Variants in RGMA observed in about 807,000 individuals in gnomAD.
RGMA encodes the protein repulsive guidance molecule BMP co-receptor a, also known as repulsive guidance molecule A.
Under a neutral mutation model 23.2 loss-of-function variants are expected in RGMA, and 10 were observed. The ratio of observed to expected loss-of-function variants is 0.43; its 90% CI spans 0.27 to 0.73. RGMA has a LOEUF of 0.73. RGMA is among the 30% of genes least tolerant of loss of function. RGMA has a pLI of 0.20. For missense variants in RGMA, 547 were observed against 630.5 expected, an observed-to-expected ratio of 0.87 and a Z score of 1.42; for synonymous variants, 308 against 279.3, an observed-to-expected ratio of 1.10 and a Z score of -1.03.
chr15:93,073,388 G>A (rs1340072308), intron 1 of RGMA, among the ~76,000 whole-genome samples: 1 of 152,018 alleles, frequency 6.6e-6, no homozygotes, highest in East Asian at 1.9e-4. Flanking sequence ...ATCAGAGGGC[G>A]CGCCACGCTC....
At chr15:93,060,539 T>C in intron 2 of RGMA, among the ~76,000 whole-genome samples, 1 of 152,250 alleles carries the variant, frequency 6.6e-6, no homozygotes, top group Non-Finnish European at 1.5e-5. Flanking sequence ...CCAGACCCGA[T>C]GGGGGCGGGG....
chr15:93,044,863 T>C lies in RGMA; in HGVS notation c.*135A>G. On this transcript the variant is annotated 3_prime_UTR_variant, in exon 4 of 4. Coordinates refer to ENST00000329082, the MANE Select transcript of RGMA (RefSeq NM_020211.3). ...GGGGAGGGGTCCGTGCCTGAGCCCT[T>C]GGCAGCAGGCGGTCCCTGGCGTTCT... is the stretch of plus-strand genomic sequence containing the variant. 2 of 715,656 alleles carry C rather than the reference T, an allele frequency of 2.8e-6. No individual in the cohort carries two copies. Among genetic ancestry groups the C allele is most frequent in the South Asian group, 1.9e-5 (1 of 52,990 alleles). 44.3% of individuals were successfully genotyped at this position (715,656 alleles called of 1,614,324 possible).
At chr15:93,049,576 A>G (rs1259754406) in intron 3 of RGMA, among the ~76,000 whole-genome samples, 1 of 152,220 alleles carries the variant, frequency 6.6e-6, no homozygotes, top group Non-Finnish European at 1.5e-5. Context: ...GTCCACAAGA[A>G]CAGAGGGATT....
chr15:93,049,063 G>C (rs958765556), intron 3 of RGMA, among the ~76,000 whole-genome samples: 8 of 152,252 alleles, frequency 5.3e-5, no homozygotes, highest in African/African-American at 1.7e-4. Flanking sequence ...TCAACCGCAA[G>C]TAACAGCATG....
intron 2 of RGMA, among the ~76,000 whole-genome samples, chr15:93,068,962 G>A (rs1047180457): frequency 1.3e-5 from 2 of 152,192 alleles, no homozygotes; most frequent in South Asian, 2.1e-4. Context: ...TCAGAACTGT[G>A]AGCAATAAAT....
At chr15:93,062,948 T>G (rs1354412904) in intron 2 of RGMA, 2 of 151,984 alleles carry the variant, frequency 1.3e-5, no homozygotes, top group African/African-American at 4.8e-5. Flanking sequence ...ACATCCCGGG[T>G]GGGTTTTGCT....
intron 1 of RGMA, chr15:93,073,581 GACCCCAA>G: frequency 6.5e-7 from 1 of 1,534,274 alleles, no homozygotes. Flanking sequence ...CCAGACTGCC[GACCCCAA>G]GCTTCCACCG....
Position 93,052,253 on chromosome 15 carries a change from G to A in RGMA, c.385C>T (p.Leu129Phe). ...TCCTGGCTGTCTCCGGCCGGTGGGA[G>A]CGTGCGCAGGCGTGGCTGCGAGGTG... ...GPTSQPRLRT[L>F]PPAGDSQERS... is the part of the protein sequence containing the mutation. Residue 129 changes from leucine to phenylalanine, a missense_variant, in exon 3 of 4, where the codon CTC becomes TTC. Leu to Phe is a conservative substitution (Grantham distance 22). This residue lies in a region of RGMA where 214 missense variants were observed against 234.7 expected (regional missense o/e 0.91). Transcript: ENST00000329082. 1 of 1,604,312 alleles carries A rather than the reference G, an allele frequency of 6.2e-7. No homozygotes were observed.
intron 1 of RGMA, among the ~76,000 whole-genome samples, chr15:93,078,509 A>T (rs1323778346): frequency 6.6e-6 from 1 of 152,214 alleles, no homozygotes; most frequent in Non-Finnish European, 1.5e-5. Flanking sequence ...TTCAGACTTT[A>T]AGGGCCGTCC....
chr15:93,052,757 C>T (rs567545298), intron 2 of RGMA, among the ~76,000 whole-genome samples: 4 of 152,246 alleles, frequency 2.6e-5, no homozygotes, highest in African/African-American at 9.6e-5. Context: ...CCTCCCACAG[C>T]GCCAGCCTGC....
At chr15:93,088,376 G>C (rs910455425) in intron 1 of RGMA, 2 of 985,368 alleles carry the variant, frequency 2.0e-6, no homozygotes, top group African/African-American at 3.5e-5. Flanking sequence ...GGGCATCCTC[G>C]GCCCTCAATC....
At chr15:93,069,664 A>G (rs753969538) in intron 2 of RGMA, among the ~76,000 whole-genome samples, 4 of 152,250 alleles carry the variant, frequency 2.6e-5, no homozygotes, top group South Asian at 2.1e-4. Context: ...GGCCTGCTCT[A>G]GAACACAGAC....
chr15:93,062,375 G>A (rs1404938715), intron 2 of RGMA, among the ~76,000 whole-genome samples: 1 of 152,222 alleles, frequency 6.6e-6, no homozygotes, highest in Non-Finnish European at 1.5e-5. Flanking sequence ...AAGAATGGAA[G>A]TACGAGAAGG....
chr15:93,077,037 G>A (rs949327094), intron 1 of RGMA, among the ~76,000 whole-genome samples: 2 of 152,172 alleles, frequency 1.3e-5, no homozygotes, highest in East Asian at 1.9e-4. Context: ...GGAAGTTGAC[G>A]GGCAAGGGAG....
At chr15:93,065,906 G>A in intron 2 of RGMA, 1 of 717,374 alleles carries the variant, frequency 1.4e-6, no homozygotes, top group Non-Finnish European at 2.5e-6. Flanking sequence ...GGCTGTTGCT[G>A]GCTGGGGGGC....
intron 2 of RGMA, among the ~76,000 whole-genome samples, chr15:93,072,233 A>G (rs1251049304): frequency 6.6e-6 from 1 of 152,242 alleles, no homozygotes; most frequent in Non-Finnish European, 1.5e-5. Flanking sequence ...ATTTGAAAGC[A>G]GCGATCTGCC....
intron 1 of RGMA, among the ~76,000 whole-genome samples, chr15:93,081,416 T>C (rs111421577): frequency 1.3e-5 from 2 of 152,316 alleles, no homozygotes; most frequent in African/African-American, 4.8e-5. Context: ...TGAAATTCAG[T>C]AATAATGCCC....
intron 3 of RGMA, among the ~76,000 whole-genome samples, chr15:93,046,799 G>A (rs2054831108): frequency 6.6e-6 from 1 of 150,464 alleles, no homozygotes; most frequent in African/African-American, 2.4e-5. Context: ...GGCTGAACGG[G>A]CAGCCTTGGC....
At position 93,052,196 on chromosome 15, in the gene RGMA, C is replaced by T. The variant is rs371761414; in HGVS notation, c.442G>A (p.Glu148Lys). 4.3e-6 allele frequency: 7 copies of T among 1,610,988 alleles called. No individual in the cohort carries two copies. The highest frequency in any genetic ancestry group is 1.1e-5 in the South Asian group (1 of 91,068). ...RSDSPEICHY[E>K]KSFHKHSATP... The stretch of plus-strand genomic sequence containing the variant: ...GCCGAGTGCTTGTGAAAGCTCTTCT[C>T]GTAATGGCAGATCTCGGGGCTGTCC... Residue 148 changes from glutamate (E) to lysine (K), a missense_variant, in exon 3 of 4, where the codon GAG (glutamate) becomes AAG (lysine). Glu to Lys is a moderately conservative substitution (Grantham distance 56). Around this residue, in one of 3 missense-constraint regions of RGMA, gnomAD observed 214 missense variants for 234.7 expected, o/e 0.91. Transcript: ENST00000329082.
Sources: allele counts gnomAD v4.1 joint callset (sites outside exome capture counted in the v4.1 genomes callset), GRCh38; gene constraint gnomAD v4.1.1; regional missense constraint gnomAD v4.1.1; transcripts MANE v1.5; gene names NCBI Gene and HGNC (gene_info 2026-07-23, HGNC 2026-07-21).